Variants in ASIC2 observed in about 807,000 individuals in gnomAD.
The protein encoded by ASIC2 is acid-sensing ion channel 2.
A neutral mutation model predicts 57.3 loss-of-function variants in ASIC2; 25 were observed. The observed-to-expected ratio is 0.44, with a 90% confidence interval of 0.32 to 0.61. ASIC2 has a LOEUF of 0.61. Ranked by LOEUF, ASIC2 falls within the 20% of genes least tolerant of loss-of-function variation. ASIC2 has a pLI of 0.06. For missense variants in ASIC2, 641 were observed against 738.1 expected, an observed-to-expected ratio of 0.87 and a Z score of 1.52; for synonymous variants, 319 against 307.5, an observed-to-expected ratio of 1.04 and a Z score of -0.39.
intron 1 of ASIC2, among the ~76,000 whole-genome samples, chr17:33,331,406 A>C (rs889585048): frequency 4.6e-5 from 7 of 152,232 alleles, no homozygotes; most frequent in Non-Finnish European, 8.8e-5. Context: ...TTAATTCTGC[A>C]GTCAGAATTC....
chr17:34,132,081 G>A (rs1007014495), intron 1 of ASIC2, among the ~76,000 whole-genome samples: 3 of 152,132 alleles, frequency 2.0e-5, no homozygotes, highest in African/African-American at 4.8e-5. Flanking sequence ...GCCTCTGCAG[G>A]GGACACAAGA....
chr17:33,506,116 T>C (rs1258464104), intron 1 of ASIC2, among the ~76,000 whole-genome samples: 4 of 151,224 alleles, frequency 2.6e-5, no homozygotes, highest in African/African-American at 4.9e-5. Context: ...CTGGACAGGC[T>C]GGGTGTGGTG....
chr17:33,419,256 T>A (rs544909576), intron 1 of ASIC2, among the ~76,000 whole-genome samples: 2 of 152,336 alleles, frequency 1.3e-5, no homozygotes, highest in Non-Finnish European at 2.9e-5. Flanking sequence ...GGGTCTCCTC[T>A]CTATCTTGGC....
At chr17:33,763,619 G>T (rs1887050577) in intron 1 of ASIC2, among the ~76,000 whole-genome samples, 2 of 152,206 alleles carry the variant, frequency 1.3e-5, no homozygotes, top group African/African-American at 4.8e-5. Context: ...GAGTGGAGGT[G>T]AGATGAGTCA....
intron 1 of ASIC2, among the ~76,000 whole-genome samples, chr17:33,329,460 T>C (rs900516727): frequency 6.6e-6 from 1 of 152,172 alleles, no homozygotes; most frequent in Non-Finnish European, 1.5e-5. Flanking sequence ...ACCCAGACTC[T>C]GTGTTACAGC....
intron 1 of ASIC2, among the ~76,000 whole-genome samples, chr17:33,802,004 T>C (rs1255609070): frequency 3.3e-5 from 5 of 152,196 alleles, no homozygotes; most frequent in African/African-American, 1.2e-4. Flanking sequence ...TGGTAAAAAT[T>C]GGACAGCTGT....
At chr17:33,935,473 G>T (rs924224054) in intron 1 of ASIC2, 1 of 152,184 alleles carries the variant, frequency 6.6e-6, no homozygotes, top group African/African-American at 2.4e-5. Context: ...TATTAATGAT[G>T]AATACAACCA....
At chr17:33,256,039 A>G (rs1909054896) in intron 1 of ASIC2, among the ~76,000 whole-genome samples, 1 of 152,222 alleles carries the variant, frequency 6.6e-6, no homozygotes, top group Non-Finnish European at 1.5e-5. Context: ...AGATTCATAC[A>G]TCACTATTTA....
chr17:33,854,828 G>T (rs1913873455), intron 1 of ASIC2, among the ~76,000 whole-genome samples: 1 of 152,086 alleles, frequency 6.6e-6, no homozygotes, highest in African/African-American at 2.4e-5. Context: ...TTGTGGGATT[G>T]TCCTTCCCTG....
At chr17:33,917,249 A>G (rs1915603586) in intron 1 of ASIC2, among the ~76,000 whole-genome samples, 1 of 152,136 alleles carries the variant, frequency 6.6e-6, no homozygotes, top group Non-Finnish European at 1.5e-5. Flanking sequence ...ACAATGTGCC[A>G]GACATCATGC....
intron 3 of ASIC2, among the ~76,000 whole-genome samples, chr17:33,073,158 G>A (rs958752167): frequency 3.9e-5 from 6 of 152,200 alleles, no homozygotes; most frequent in African/African-American, 1.2e-4. Flanking sequence ...TAACAGCAAT[G>A]TTTGCTACCT....
At chr17:33,348,895 G>A (rs541102345) in intron 1 of ASIC2, among the ~76,000 whole-genome samples, 4 of 152,298 alleles carry the variant, frequency 2.6e-5, no homozygotes, top group South Asian at 2.1e-4. Context: ...AGGTCAATAA[G>A]CAAAGCAGGC....
intron 1 of ASIC2, among the ~76,000 whole-genome samples, chr17:33,931,691 G>A (rs545639560): frequency 1.1e-4 from 17 of 152,270 alleles, no homozygotes; most frequent in Non-Finnish European, 1.5e-4. Flanking sequence ...GTGTTCTCAG[G>A]TTCCTCTAAG....
chr17:34,079,938 C>T (rs1237695501), intron 1 of ASIC2, among the ~76,000 whole-genome samples: 3 of 151,868 alleles, frequency 2.0e-5, no homozygotes, highest in Admixed American at 6.6e-5. Flanking sequence ...TCCACTTTAC[C>T]GGAATTTCTA....
intron 1 of ASIC2, among the ~76,000 whole-genome samples, chr17:33,454,308 G>A (rs1245942774): frequency 6.6e-6 from 1 of 152,166 alleles, no homozygotes; most frequent in Non-Finnish European, 1.5e-5. Context: ...GTGGACGGTG[G>A]TCTATAGCAG....
chr17:33,324,512 T>A (rs1906991544), intron 1 of ASIC2, among the ~76,000 whole-genome samples: 1 of 152,056 alleles, frequency 6.6e-6, no homozygotes, highest in Non-Finnish European at 1.5e-5. Flanking sequence ...GAGGAGGCAT[T>A]GTATTCTGAC....
intron 1 of ASIC2, among the ~76,000 whole-genome samples, chr17:33,332,384 A>C (rs1041734035): frequency 2.0e-5 from 3 of 152,234 alleles, no homozygotes; most frequent in African/African-American, 7.2e-5. Flanking sequence ...TTCAACGTGT[A>C]ATAAACAAAA....
chr17:33,662,700 CA>C (rs1388040531), intron 1 of ASIC2, among the ~76,000 whole-genome samples: 1 of 151,080 alleles, frequency 6.6e-6, no homozygotes, highest in African/African-American at 2.4e-5. Context: ...AAGTTCTACT[CA>C]CTTTTAGTAC....
At chr17:33,104,844 A>T (rs1475214663) in intron 2 of ASIC2, among the ~76,000 whole-genome samples, 3 of 152,194 alleles carry the variant, frequency 2.0e-5, no homozygotes, top group Non-Finnish European at 2.9e-5. Context: ...TCAACTGCTT[A>T]ACTAGGTATG....
Sources: allele counts gnomAD v4.1 joint callset (sites outside exome capture counted in the v4.1 genomes callset), GRCh38; gene constraint gnomAD v4.1.1; transcripts MANE v1.5; gene names NCBI Gene and HGNC (gene_info 2026-07-23, HGNC 2026-07-21).